Variants in YPEL2 observed in about 807,000 individuals in gnomAD.
YPEL2 encodes the protein yippee like 2.
Under a neutral mutation model 19.1 loss-of-function variants are expected in YPEL2, and 2 were observed. The observed-to-expected ratio is 0.10, with a 90% CI of 0.04 to 0.33. The LOEUF (loss-of-function observed/expected upper bound fraction) is 0.33. Ranked by LOEUF, YPEL2 falls within the 10% of genes least tolerant of loss-of-function variation. The probability of loss-of-function intolerance (pLI) is 1.00; values close to 1 mark genes in which losing one functional copy is unlikely to be tolerated. For missense variants in YPEL2, 66 were observed against 140.7 expected (o/e 0.47, Z 2.68); for synonymous variants, 52 against 50.0 (o/e 1.04, Z -0.17).
chr17:59,379,604 G>A (rs541090792), intron 2 of YPEL2, among the ~76,000 whole-genome samples: 1 of 152,286 alleles, frequency 6.6e-6, no homozygotes, highest in African/African-American at 2.4e-5. Context: ...CTGGGGGCAC[G>A]GGAGACAGGC....
chr17:59,381,498 T>C (rs1453239004), intron 2 of YPEL2, among the ~76,000 whole-genome samples: 1 of 152,152 alleles, frequency 6.6e-6, no homozygotes, highest in Non-Finnish European at 1.5e-5. Flanking sequence ...GGGAAGAAAC[T>C]CACACATTTG....
intron 1 of YPEL2, among the ~76,000 whole-genome samples, chr17:59,335,231 C>G (rs1888336685): frequency 6.6e-6 from 1 of 152,190 alleles, no homozygotes. Context: ...ATTGTACTGC[C>G]TGAGTTTGTT....
intron 2 of YPEL2, among the ~76,000 whole-genome samples, chr17:59,361,736 C>T (rs1423173671): frequency 1.3e-5 from 2 of 152,156 alleles, no homozygotes; most frequent in Non-Finnish European, 2.9e-5. Flanking sequence ...TCAGGCTCTC[C>T]ACCAAAGATA....
chr17:59,385,074 G>A (rs2047973314), intron 2 of YPEL2, among the ~76,000 whole-genome samples: 1 of 152,108 alleles, frequency 6.6e-6, no homozygotes, highest in Non-Finnish European at 1.5e-5. Flanking sequence ...GGGATTTGAA[G>A]GTCAGCTAGT....
At chr17:59,374,491 C>T (rs1294889413) in intron 2 of YPEL2, among the ~76,000 whole-genome samples, 1 of 152,128 alleles carries the variant, frequency 6.6e-6, no homozygotes, top group Non-Finnish European at 1.5e-5. Context: ...ATGCTAATGG[C>T]GCTCACCAGA....
intron 2 of YPEL2, among the ~76,000 whole-genome samples, chr17:59,367,059 C>G (rs1212344187): frequency 6.6e-6 from 1 of 152,198 alleles, no homozygotes; most frequent in Admixed American, 6.5e-5. Context: ...TGCCAGGTAC[C>G]TGTGTGACTG....
chr17:59,334,368 C>T (rs1353417619), intron 1 of YPEL2, among the ~76,000 whole-genome samples: 2 of 136,468 alleles, frequency 1.5e-5, no homozygotes, highest in Non-Finnish European at 3.2e-5. Context: ...CGGGGGAAGG[C>T]AGGCAGGTGA....
At chr17:59,348,384 G>A (rs986386828) in intron 1 of YPEL2, among the ~76,000 whole-genome samples, 5 of 152,148 alleles carry the variant, frequency 3.3e-5, no homozygotes, top group Admixed American at 3.3e-4. Flanking sequence ...CTTAACAAGA[G>A]CGTCCCATCT....
chr17:59,373,122 C>T (rs1195864934), intron 2 of YPEL2, among the ~76,000 whole-genome samples: 1 of 152,196 alleles, frequency 6.6e-6, no homozygotes, highest in Non-Finnish European at 1.5e-5. Context: ...CTGCCTCAGC[C>T]TCCCAAAGTG....
chr17:59,341,957 C>T (rs994677303), intron 1 of YPEL2, among the ~76,000 whole-genome samples: 13 of 152,190 alleles, frequency 8.5e-5, no homozygotes, highest in Non-Finnish European at 4.4e-5. Flanking sequence ...TTTGGGCTGG[C>T]GATGGCTGGG....
intron 2 of YPEL2, among the ~76,000 whole-genome samples, chr17:59,368,684 G>C (rs2047882538): frequency 1.3e-5 from 2 of 152,206 alleles, no homozygotes; most frequent in Non-Finnish European, 2.9e-5. Context: ...GCAGGTCAGG[G>C]TGGATCATGC....
intron 4 of YPEL2, among the ~76,000 whole-genome samples, chr17:59,391,640 A>G (rs1157486183): frequency 6.6e-6 from 1 of 152,114 alleles, no homozygotes; most frequent in African/African-American, 2.4e-5. Context: ...GCTCAGGCCT[A>G]TAACCCCAGC....
At chr17:59,388,195 C>T (rs918797376) in intron 2 of YPEL2, 132 bp from the exon 3 acceptor site, 3 of 860,516 alleles carry the variant, frequency 3.5e-6, no homozygotes, top group Non-Finnish European at 6.0e-6. Flanking sequence ...CCAGCGGGAC[C>T]GTTAACTGGC....
intron 2 of YPEL2, among the ~76,000 whole-genome samples, chr17:59,379,059 A>G (rs1021954059): frequency 1.3e-5 from 2 of 152,196 alleles, no homozygotes; most frequent in Non-Finnish European, 2.9e-5. Context: ...AATTAACCCA[A>G]GTCTCTCTCA....
At chr17:59,350,763 T>A (rs945403534) in intron 1 of YPEL2, among the ~76,000 whole-genome samples, 5 of 152,162 alleles carry the variant, frequency 3.3e-5, no homozygotes, top group Admixed American at 6.5e-5. Context: ...AAGAAATAAT[T>A]CTACTCTGGG....
At chr17:59,370,703 T>C (rs1472011079) in intron 2 of YPEL2, among the ~76,000 whole-genome samples, 1 of 152,126 alleles carries the variant, frequency 6.6e-6, no homozygotes, top group African/African-American at 2.4e-5. Context: ...CTTGTTTCTT[T>C]GCTGTTTGTT....
chr17:59,372,587 T>C (rs1245465729), intron 2 of YPEL2, among the ~76,000 whole-genome samples: 1 of 152,212 alleles, frequency 6.6e-6, no homozygotes, highest in Non-Finnish European at 1.5e-5. Context: ...CCAGTGCTGC[T>C]AAGGATCCCA....
At chr17:59,358,103 T>A (rs1025648800) in intron 2 of YPEL2, among the ~76,000 whole-genome samples, 29 of 152,180 alleles carry the variant, frequency 1.9e-4, no homozygotes, top group Non-Finnish European at 2.4e-4. Context: ...GGTGACTCAG[T>A]GATCAGAATG....
chr17:59,340,063 G>A (rs1377536091), intron 1 of YPEL2, among the ~76,000 whole-genome samples: 1 of 151,700 alleles, frequency 6.6e-6, no homozygotes, highest in Non-Finnish European at 1.5e-5. Context: ...GGAATGGTTT[G>A]CAATCTAGTG....
Sources: gnomAD v4.1 joint callset for allele counts (sites outside exome capture counted in the v4.1 genomes callset) on GRCh38, gnomAD v4.1.1 for gene constraint, MANE v1.5 for transcripts, NCBI Gene and HGNC (gene_info 2026-07-23, HGNC 2026-07-21) for gene names.